GANC: variants seen among roughly 807,000 people sequenced by gnomAD.
The protein encoded by GANC is neutral alpha-glucosidase C.
In GANC, 117 loss-of-function variants were observed where a neutral mutation model predicts 124.2. That is an observed-to-expected ratio of 0.94 (90% CI 0.81 to 1.10). The LOEUF is 1.10. GANC is among the 50% of genes least tolerant of loss of function. GANC has a pLI of 0.00. For missense variants in GANC, 1,140 were observed against 1,095.0 expected, an observed-to-expected ratio of 1.04 and a Z score of -0.58; for synonymous variants, 377 against 376.8, an observed-to-expected ratio of 1.00 and a Z score of -0.01.
At chr15:42,339,251 A>G (rs1191386567) in intron 16 of GANC, among the ~76,000 whole-genome samples, 1 of 149,372 alleles carries the variant, frequency 6.7e-6, no homozygotes, top group Non-Finnish European at 1.5e-5. Flanking sequence ...TTCTGTTTTT[A>G]TCTTAGTTCA....
chr15:42,281,170 T>C (rs2141015848), intron 3 of GANC: 1 of 691,506 alleles, frequency 1.4e-6, no homozygotes, highest in South Asian at 1.5e-5. Flanking sequence ...GGAATCTGCA[T>C]GCCCTGATCT....
At chr15:42,280,405 A>G (rs1401122217) in intron 3 of GANC, among the ~76,000 whole-genome samples, 1 of 152,124 alleles carries the variant, frequency 6.6e-6, no homozygotes, top group Non-Finnish European at 1.5e-5. Flanking sequence ...TCATGGAGAA[A>G]AAAATGGGAC....
rs760417378 is a variant in GANC, at chr15:42,343,099, C to G, written c.2174C>G (p.Pro725Arg). 1 of 1,613,844 alleles carries G rather than the reference C, an allele frequency of 6.2e-7. No homozygotes were observed. The highest frequency in any genetic ancestry group is 8.5e-7 in the Non-Finnish European group (1 of 1,179,818). ...TTAGGGAGTGCATTATTGGTTCATC[C>G]AGTCACAGAACCAAAAGCCACCACA... Reference protein sequence around the residue: ...YMLGSALLVHPVTEPKATTVD... With the variant: ...YMLGSALLVHRVTEPKATTVD... The change falls in exon 19 of 24, where the codon CCA becomes CGA. Residue 725 changes from proline (P) to arginine (R), a missense_variant. Pro to Arg is a moderately radical substitution (Grantham distance 103). Coordinates refer to ENST00000318010, the MANE Select transcript of GANC (RefSeq NM_198141.3).
At chr15:42,313,951 C>G in intron 10 of GANC, 1 of 498,632 alleles carries the variant, frequency 2.0e-6, no homozygotes, top group South Asian at 2.1e-5. Context: ...GACCCTATCT[C>G]TAAAAACAAC....
chr15:42,275,667 A>G (rs894486938), intron 1 of GANC, among the ~76,000 whole-genome samples: 6 of 152,120 alleles, frequency 3.9e-5, no homozygotes, highest in African/African-American at 1.4e-4. Flanking sequence ...ATATACATAT[A>G]TCTCATTCAT....
chr15:42,326,925 A>C (rs1303110999), intron 12 of GANC, among the ~76,000 whole-genome samples: 1 of 152,226 alleles, frequency 6.6e-6, no homozygotes, highest in East Asian at 1.9e-4. Context: ...ACAAAAGGAA[A>C]ATACGTTGTT....
In GANC at chr15:42,350,180, G is replaced by A. The variant is rs1209191026; in HGVS notation, c.2531+685G>A. On this transcript the variant is annotated intron_variant, in intron 22 of 23. Transcript: ENST00000318010. ...CAAGTAGCTGGGATTACAGGCATGC[G>A]CCACCACGCCTGGCTAATTTTGTAT... Among the ~76,000 whole-genome samples, 5 of 151,010 alleles carry A rather than the reference G, an allele frequency of 3.3e-5. No homozygotes were observed. The South Asian group carries it at 8.4e-4, about 25-fold the overall frequency.
rs772633032 is a variant in GANC at position 42,330,628 on chromosome 15, C to T, written c.1697C>T (p.Pro566Leu). The change falls in exon 15 of 24, where the codon CCC becomes CTC. Residue 566 changes from proline (P) to leucine (L), a missense_variant. Coordinates refer to ENST00000318010, the MANE Select transcript of GANC (RefSeq NM_198141.3). ...AAACGATCTAAAGGGAAGGAGAGACCCTTTGTTCTTACACGTTCTTTCTTT... is the reference window on the plus strand; with the variant it reads ...AAACGATCTAAAGGGAAGGAGAGACTCTTTGTTCTTACACGTTCTTTCTTT... ...LIKRSKGKER[P>L]FVLTRSFFAG... 2 of 1,611,254 alleles carry T rather than the reference C, an allele frequency of 1.2e-6. No homozygotes were observed. Among genetic ancestry groups the T allele is most frequent in the South Asian group, 2.2e-5 (2 of 90,234 alleles).
intron 3 of GANC, chr15:42,281,077 A>G (rs531219252): frequency 1.1e-5 from 8 of 702,606 alleles, no homozygotes; most frequent in African/African-American, 5.2e-5. Context: ...GACATCAGCA[A>G]CGTAGCTCCC....
At chr15:42,350,382 C>T (rs1319140068) in intron 22 of GANC, among the ~76,000 whole-genome samples, 31 of 151,964 alleles carry the variant, frequency 2.0e-4, no homozygotes, top group Non-Finnish European at 4.6e-4. Context: ...CCACTAATTC[C>T]ATTCATTCAT....
At chr15:42,298,379 T>C (rs2051911483) in intron 6 of GANC, among the ~76,000 whole-genome samples, 1 of 152,192 alleles carries the variant, frequency 6.6e-6, no homozygotes, top group African/African-American at 2.4e-5. Flanking sequence ...CTAACAATTA[T>C]TTGTTAAGTA....
At chr15:42,329,857 G>C (rs1218613893) in intron 14 of GANC, among the ~76,000 whole-genome samples, 1 of 152,174 alleles carries the variant, frequency 6.6e-6, no homozygotes, top group Non-Finnish European at 1.5e-5. Context: ...ATTCACACTG[G>C]AGGAGCAATA....
intron 3 of GANC, chr15:42,280,875 C>A (rs902970089): frequency 1.7e-5 from 12 of 692,442 alleles, no homozygotes; most frequent in Non-Finnish European, 2.6e-5. Context: ...AGATCAGTTT[C>A]TCTTTTTGGA....
chr15:42,302,017 C>T (rs1226639781), intron 6 of GANC, among the ~76,000 whole-genome samples: 1 of 152,214 alleles, frequency 6.6e-6, no homozygotes. Flanking sequence ...GGACAGACTG[C>T]CTCCTCAAGT....
At position 42,349,367 on chromosome 15, in the gene GANC, G is replaced by C; in HGVS notation, c.2419-16G>C. 4 of 1,436,790 alleles carry C rather than the reference G, an allele frequency of 2.8e-6. No individual in the cohort carries two copies. The highest frequency in any genetic ancestry group is 3.9e-6 in the Non-Finnish European group (4 of 1,018,578). 89.0% of individuals were successfully genotyped at this position (1,436,790 alleles called of 1,614,324 possible). ...TATCATATAAGCACATTCTGTCTCT[G>C]TGATTCATTCTCCAGGGTTCTTCAG... On this transcript the variant is annotated splice_polypyrimidine_tract_variant and intron_variant, in intron 21 of 23. Transcript: ENST00000318010.
intron 18 of GANC, among the ~76,000 whole-genome samples, chr15:42,341,890 A>C (rs980056751): frequency 1.3e-5 from 2 of 151,952 alleles, no homozygotes; most frequent in Non-Finnish European, 2.9e-5. Flanking sequence ...TTAAGTCTCC[A>C]CTCATCATTA....
At chr15:42,324,791 G>A (rs2052185608) in intron 11 of GANC, among the ~76,000 whole-genome samples, 1 of 152,140 alleles carries the variant, frequency 6.6e-6, no homozygotes, top group African/African-American at 2.4e-5. Context: ...AGTTGCTGGA[G>A]CTAGGAGGAG....
At chr15:42,294,587 A>AAG (rs1187513680) in intron 5 of GANC, among the ~76,000 whole-genome samples, 2 of 150,856 alleles carry the variant, frequency 1.3e-5, no homozygotes, top group East Asian at 3.9e-4. Flanking sequence ...AAAAAAAAAA[A>AAG]AAAAAAGTAA....
chr15:42,287,956 T>A, intron 4 of GANC, 138 bp downstream of exon 4: 1 of 807,124 alleles, frequency 1.2e-6, no homozygotes, highest in Non-Finnish European at 1.8e-6. Flanking sequence ...TAAAAGTAAT[T>A]GTGGTTTTTG....
Sources: gnomAD v4.1 joint callset for allele counts (sites outside exome capture counted in the v4.1 genomes callset) on GRCh38, gnomAD v4.1.1 for gene constraint, MANE v1.5 for transcripts, NCBI Gene and HGNC (gene_info 2026-07-23, HGNC 2026-07-21) for gene names.